The following SYT1 variants were observed in gnomAD, a reference collection of about 807,000 sequenced individuals.
The protein encoded by SYT1 is synaptotagmin-1.
SYT1 carries 8 observed loss-of-function variants against 44.8 expected under a neutral mutation model. The ratio of observed to expected loss-of-function variants is 0.18; its 90% CI spans 0.10 to 0.32. The LOEUF (loss-of-function observed/expected upper bound fraction) is 0.32, where lower values mean the gene tolerates loss of function less well. Ranked by LOEUF, SYT1 falls within the 10% of genes least tolerant of loss-of-function variation. The pLI is 1.00. For missense variants in SYT1, 286 were observed against 509.3 expected (o/e 0.56, Z 4.22); for synonymous variants, 154 against 188.8 (o/e 0.82, Z 1.51).
intron 3 of SYT1, among the ~76,000 whole-genome samples, chr12:79,072,042 A>G (rs1189451500): frequency 5.3e-5 from 8 of 152,138 alleles, no homozygotes; most frequent in African/African-American, 1.9e-4. Flanking sequence ...ATAAAATGAC[A>G]TATTGTTTTA....
intron 4 of SYT1, among the ~76,000 whole-genome samples, chr12:79,252,776 C>T: frequency 6.6e-6 from 1 of 152,088 alleles, no homozygotes; most frequent in Admixed American, 6.6e-5. Context: ...ATTACTGGTG[C>T]ATAATCTAAC....
intron 9 of SYT1, among the ~76,000 whole-genome samples, chr12:79,396,916 A>C (rs1884892013): frequency 6.6e-6 from 1 of 152,232 alleles, no homozygotes; most frequent in South Asian, 2.1e-4. Context: ...AATAATGTGA[A>C]AGGTAAATGA....
At chr12:78,901,165 G>T (rs1875642052) in intron 1 of SYT1, among the ~76,000 whole-genome samples, 1 of 151,968 alleles carries the variant, frequency 6.6e-6, no homozygotes, top group Non-Finnish European at 1.5e-5. Flanking sequence ...TCAGGTTAAT[G>T]ATTTAATGTG....
chr12:79,201,478 G>T (rs188291660), intron 3 of SYT1, among the ~76,000 whole-genome samples: 36 of 152,232 alleles, frequency 2.4e-4, no homozygotes, highest in Non-Finnish European at 7.4e-5. Flanking sequence ...GACGCAAAAA[G>T]TTAGCCATAT....
intron 3 of SYT1, among the ~76,000 whole-genome samples, chr12:79,121,660 G>A (rs939527370): frequency 1.3e-5 from 2 of 152,132 alleles, no homozygotes; most frequent in African/African-American, 2.4e-5. Flanking sequence ...GACAGCTAAC[G>A]AGCAATGAGT....
intron 3 of SYT1, among the ~76,000 whole-genome samples, chr12:79,125,467 A>T (rs1357954540): frequency 6.6e-6 from 1 of 150,660 alleles, no homozygotes; most frequent in Non-Finnish European, 1.5e-5. Flanking sequence ...AAAAAAAAAA[A>T]TTAGCTGTGT....
At chr12:79,159,588 G>A (rs913643576) in intron 3 of SYT1, among the ~76,000 whole-genome samples, 8 of 152,058 alleles carry the variant, frequency 5.3e-5, no homozygotes, top group Middle Eastern at 3.4e-3. Flanking sequence ...TAATTTATAC[G>A]TTAAACTTTA....
In SYT1 at chr12:79,064,975, A is replaced by AGAAAGAAG. The variant is rs1555194765; in HGVS notation, c.-18+17620_-18+17621insGGAAAGAA. Among the ~76,000 whole-genome samples the AGAAAGAAG allele has an allele frequency of 3.8e-3, 563 of 149,308 alleles. 9 individuals carry two copies. Among genetic ancestry groups the AGAAAGAAG allele is most frequent in the African/African-American group, 0.014 (535 of 39,486 alleles). ...AAGAAAGAAAGAAAGAAAGAAAGAAAGAAAGAAAGAAAGAAAGAAAGAAAA... is the reference window on the plus strand; with the variant it reads ...AAGAAAGAAAGAAAGAAAGAAAGAAAGAAAGAAGGAAAGAAAGAAAGAAAGAAAGAAAA... On this transcript the variant is annotated intron_variant, in intron 3 of 10. Transcript: ENST00000261205.
chr12:79,102,943 T>A (rs1878522185), intron 3 of SYT1: 3 of 152,210 alleles, frequency 2.0e-5, no homozygotes, highest in Non-Finnish European at 4.4e-5. Context: ...TTTTCTTAAA[T>A]GCTTTACATT....
intron 2 of SYT1, among the ~76,000 whole-genome samples, chr12:79,031,891 A>T (rs1247289974): frequency 2.6e-5 from 4 of 151,186 alleles, no homozygotes. Context: ...ATCATGTTTA[A>T]TGATGCAAGC....
intron 3 of SYT1, among the ~76,000 whole-genome samples, chr12:79,096,304 T>C (rs984524957): frequency 6.6e-6 from 1 of 152,084 alleles, no homozygotes; most frequent in South Asian, 2.1e-4. Context: ...TACAAAAGGA[T>C]AGATTTTTCA....
chr12:79,043,273 G>A (rs61928983), intron 2 of SYT1, among the ~76,000 whole-genome samples: 23,117 of 139,816 alleles, frequency 0.17, 2,201 homozygotes, highest in East Asian at 0.26. Flanking sequence ...GTCTCTTTGT[G>A]GGTCACTCAG....
At chr12:79,345,871 T>C (rs1202810225) in intron 8 of SYT1, among the ~76,000 whole-genome samples, 1 of 152,218 alleles carries the variant, frequency 6.6e-6, no homozygotes, top group East Asian at 1.9e-4. Flanking sequence ...GAATTTTCAT[T>C]TGAGAGATAA....
intron 9 of SYT1, among the ~76,000 whole-genome samples, chr12:79,434,258 G>C (rs1869959436): frequency 6.6e-6 from 1 of 152,056 alleles, no homozygotes; most frequent in South Asian, 2.1e-4. Flanking sequence ...AGCAAACCCT[G>C]CACTTAACTA....
intron 2 of SYT1, among the ~76,000 whole-genome samples, chr12:79,007,369 A>T (rs1871158723): frequency 6.6e-6 from 1 of 152,118 alleles, no homozygotes; most frequent in South Asian, 2.1e-4. Flanking sequence ...CACATTAGTC[A>T]TTGAGCACAT....
intron 8 of SYT1, among the ~76,000 whole-genome samples, chr12:79,347,597 T>C (rs910347501): frequency 5.9e-5 from 9 of 152,152 alleles, no homozygotes; most frequent in African/African-American, 2.2e-4. Flanking sequence ...GTCTGCTTCC[T>C]CAGAGAACTC....
intron 8 of SYT1, among the ~76,000 whole-genome samples, chr12:79,316,687 C>G (rs187577106): frequency 6.6e-6 from 1 of 152,172 alleles, no homozygotes; most frequent in South Asian, 2.1e-4. Context: ...TGTTGTCTAT[C>G]GTCCACCGTA....
intron 4 of SYT1, among the ~76,000 whole-genome samples, chr12:79,261,310 C>T (rs1248428848): frequency 6.6e-6 from 1 of 152,162 alleles, no homozygotes; most frequent in East Asian, 1.9e-4. Flanking sequence ...CCATTCTTAA[C>T]ATTAAGAAAT....
At chr12:79,107,361 A>G (rs7957554) in intron 3 of SYT1, among the ~76,000 whole-genome samples, 16,956 of 151,972 alleles carry the variant, frequency 0.11, 1,015 homozygotes, top group African/African-American at 0.12. Context: ...AATTTGATCA[A>G]CAATTTGATC....
Sources: allele counts gnomAD v4.1 joint callset (sites outside exome capture counted in the v4.1 genomes callset), GRCh38; gene constraint gnomAD v4.1.1; transcripts MANE v1.5; gene names NCBI Gene and HGNC (gene_info 2026-07-23, HGNC 2026-07-21).